The following NCALD variants were observed in gnomAD, a reference collection of about 807,000 sequenced individuals.
The protein encoded by NCALD is neurocalcin delta, also known as neurocalcin-delta.
Under a neutral mutation model 18.6 loss-of-function variants are expected in NCALD, and 10 were observed. That is an observed-to-expected ratio of 0.54 (90% CI 0.33 to 0.91). The LOEUF is 0.91. Ranked by LOEUF, NCALD falls within the 40% of genes least tolerant of loss-of-function variation. NCALD has a pLI of 0.03. For missense variants in NCALD, 184 were observed against 247.6 expected (o/e 0.74, Z 1.72); for synonymous variants, 88 against 87.4 (o/e 1.01, Z -0.04).
intron 4 of NCALD, among the ~76,000 whole-genome samples, chr8:101,886,379 A>G (rs1816675208): frequency 6.6e-6 from 1 of 152,184 alleles, no homozygotes; most frequent in African/African-American, 2.4e-5. Context: ...CAACTGTTTG[A>G]CCAAGTAAAT....
intron 2 of NCALD, among the ~76,000 whole-genome samples, chr8:101,930,439 T>A (rs1470212343): frequency 6.6e-6 from 1 of 152,010 alleles, no homozygotes; most frequent in African/African-American, 2.4e-5. Flanking sequence ...TCTCTTTATT[T>A]TGAAAATTTT....
intron 4 of NCALD, among the ~76,000 whole-genome samples, chr8:101,860,365 A>G (rs1173830842): frequency 6.6e-6 from 1 of 152,174 alleles, no homozygotes; most frequent in African/African-American, 2.4e-5. Context: ...GATGAAGTGG[A>G]TTCTCAGAAC....
At chr8:101,843,796 G>A (rs558859694) in intron 4 of NCALD, among the ~76,000 whole-genome samples, 1 of 152,088 alleles carries the variant, frequency 6.6e-6, no homozygotes, top group Non-Finnish European at 1.5e-5. Flanking sequence ...TGGCCAGGCT[G>A]GTCTCGAACT....
At chr8:101,741,457 T>C (rs1810179388) in intron 1 of NCALD, among the ~76,000 whole-genome samples, 1 of 152,146 alleles carries the variant, frequency 6.6e-6, no homozygotes, top group Non-Finnish European at 1.5e-5. Context: ...CTTAAATTTA[T>C]ACAAATGACA....
intron 2 of NCALD, among the ~76,000 whole-genome samples, chr8:101,701,432 A>G (rs1420037395): frequency 6.6e-6 from 1 of 152,226 alleles, no homozygotes; most frequent in Non-Finnish European, 1.5e-5. Flanking sequence ...GTCTCTGGGT[A>G]AATGCAGAGC....
At chr8:102,065,746 G>C (rs1823988675) in intron 1 of NCALD, among the ~76,000 whole-genome samples, 1 of 152,000 alleles carries the variant, frequency 6.6e-6, no homozygotes, top group Non-Finnish European at 1.5e-5. Flanking sequence ...TGGGAGGCTG[G>C]GAGGATCGCT....
intron 2 of NCALD, chr8:101,950,263 A>C (rs1819339926): frequency 6.6e-6 from 1 of 152,334 alleles, no homozygotes. Context: ...CAAACCTGAA[A>C]ATATGAATCC....
intron 3 of NCALD, among the ~76,000 whole-genome samples, chr8:101,901,060 T>C (rs777722870): frequency 1.3e-5 from 2 of 152,128 alleles, no homozygotes; most frequent in Non-Finnish European, 2.9e-5. Flanking sequence ...ATGTTTGCTA[T>C]GTTGTTTTGG....
chr8:101,700,709 T>C (rs1815222675), intron 2 of NCALD, among the ~76,000 whole-genome samples: 1 of 152,214 alleles, frequency 6.6e-6, no homozygotes, highest in Non-Finnish European at 1.5e-5. Flanking sequence ...CATGAATGTA[T>C]GTGAAGCTCT....
In NCALD at chr8:101,693,318, G is replaced by GTTT. The variant is rs71276999; in HGVS notation, c.379-425_379-423dup. ...AGAGGTACTCCCCACCACACAGGGC[G>GTTT]TTTTTTTTTTTTTTTTTTTTTTTTT... is the stretch of plus-strand genomic sequence containing the variant. On this transcript the variant is annotated intron_variant, in intron 2 of 3. Coordinates refer to ENST00000220931, the MANE Select transcript of NCALD (RefSeq NM_032041.3). 279 of 60,000 alleles carry GTTT rather than the reference G, an allele frequency of 4.6e-3. 31 individuals carry two copies. Among genetic ancestry groups the GTTT allele is most frequent in the East Asian group, 8.7e-3 (19 of 2,196 alleles). 3.7% of individuals were successfully genotyped at this position (60,000 alleles called of 1,614,324 possible). A position where few individuals can be genotyped will look rare whatever the true frequency, so the allele number is the denominator to read the frequency against.
At chr8:102,027,584 A>C (rs1822506064) in intron 1 of NCALD, among the ~76,000 whole-genome samples, 1 of 152,186 alleles carries the variant, frequency 6.6e-6, no homozygotes, top group Non-Finnish European at 1.5e-5. Flanking sequence ...TGAGCCCTCC[A>C]AACTGTTCCA....
intron 2 of NCALD, among the ~76,000 whole-genome samples, chr8:101,993,830 G>C (rs1309951398): frequency 5.3e-5 from 8 of 152,314 alleles, no homozygotes; most frequent in Non-Finnish European, 1.5e-5. Flanking sequence ...TGTGCGACGT[G>C]CTAAACTCCT....
chr8:101,853,269 A>C (rs886942025), intron 4 of NCALD, among the ~76,000 whole-genome samples: 6 of 152,220 alleles, frequency 3.9e-5, no homozygotes, highest in African/African-American at 1.4e-4. Context: ...AAAGATAATA[A>C]ACAAGGAAAC....
At chr8:101,771,844 T>A (rs1811597307) in intron 1 of NCALD, among the ~76,000 whole-genome samples, 1 of 152,200 alleles carries the variant, frequency 6.6e-6, no homozygotes, top group Non-Finnish European at 1.5e-5. Flanking sequence ...ATACGCAAGG[T>A]ACTATCTATG....
At chr8:101,910,096 G>GT (rs1362244419) in intron 3 of NCALD, among the ~76,000 whole-genome samples, 2 of 152,142 alleles carry the variant, frequency 1.3e-5, no homozygotes, top group Non-Finnish European at 2.9e-5. Context: ...TGAGACCTCA[G>GT]TGAGGATAAA....
chr8:102,002,310 T>A (rs1163733543), intron 2 of NCALD, among the ~76,000 whole-genome samples: 1 of 152,140 alleles, frequency 6.6e-6, no homozygotes, highest in Non-Finnish European at 1.5e-5. Context: ...AGGGATCAAT[T>A]CAACAAGAAG....
intron 2 of NCALD, among the ~76,000 whole-genome samples, chr8:101,935,832 A>G (rs1818743667): frequency 6.7e-6 from 1 of 149,728 alleles, no homozygotes; most frequent in African/African-American, 2.5e-5. Flanking sequence ...ATACTATGTA[A>G]GATGATGGAA....
rs565500592 is a variant in NCALD, at chr8:102,044,472, T to C, written c.-209-24183A>G. On this transcript the variant is annotated intron_variant, in intron 1 of 6. Coordinates refer to the NCALD transcript ENST00000311028. ...AGCAAGAAGAGAGATGGTATGACAC[T>C]ATTGAGCAGACATTTCTGCGTCGTT... 2.0e-5 allele frequency among the ~76,000 whole-genome samples: 3 copies of C among 149,726 alleles called. No homozygotes were observed. The South Asian group carries it at 6.2e-4, about 31-fold the overall frequency.
intron 4 of NCALD, among the ~76,000 whole-genome samples, chr8:101,876,532 C>G (rs1816234638): frequency 6.6e-6 from 1 of 152,132 alleles, no homozygotes; most frequent in Non-Finnish European, 1.5e-5. Context: ...CTTTTTCTTA[C>G]CTGAAGCCTA....
Sources: allele counts gnomAD v4.1 joint callset (sites outside exome capture counted in the v4.1 genomes callset), GRCh38; gene constraint gnomAD v4.1.1; transcripts MANE v1.5; gene names NCBI Gene and HGNC (gene_info 2026-07-23, HGNC 2026-07-21).